The following CLNK variants were observed in gnomAD, a reference collection of about 807,000 sequenced individuals.
The protein encoded by CLNK is cytokine-dependent hematopoietic cell linker.
CLNK carries 74 observed loss-of-function variants against 68.6 expected under a neutral mutation model. The observed-to-expected ratio is 1.08, with a 90% confidence interval of 0.89 to 1.31. The LOEUF (loss-of-function observed/expected upper bound fraction) is 1.31, where lower values mean the gene tolerates loss of function less well. Ranked by LOEUF, CLNK falls within the 50% of genes most tolerant of loss-of-function variation. The pLI is 0.00. For synonymous variants in CLNK, 198 were observed against 172.2 expected (o/e 1.15, Z -1.17); for missense variants, 553 against 515.3 (o/e 1.07, Z -0.71).
chr4:10,647,685 C>T (rs1265107796), intron 2 of CLNK, among the ~76,000 whole-genome samples: 1 of 152,074 alleles, frequency 6.6e-6, no homozygotes, highest in East Asian at 1.9e-4. Flanking sequence ...CTGGGTGAGG[C>T]CTTTCCTATA....
intron 1 of CLNK, among the ~76,000 whole-genome samples, chr4:10,677,692 G>T (rs1484415064): frequency 3.3e-5 from 5 of 152,030 alleles, no homozygotes; most frequent in Non-Finnish European, 7.4e-5. Flanking sequence ...GAAGGTGGCT[G>T]CTTCCCCTTC....
intron 11 of CLNK, among the ~76,000 whole-genome samples, chr4:10,538,051 G>A (rs571437987): frequency 1.3e-5 from 2 of 152,140 alleles, no homozygotes; most frequent in South Asian, 2.1e-4. Flanking sequence ...TGAGGAAACA[G>A]AAAGAAGATA....
At chr4:10,516,901 A>G (rs10034180) in intron 15 of CLNK, among the ~76,000 whole-genome samples, 72,887 of 152,068 alleles carry the variant, frequency 0.48, 17,780 homozygotes, top group East Asian at 0.64. Flanking sequence ...GTGAGGGCTT[A>G]TTTGTATCAA....
At chr4:10,540,364 GAATGGACC>G in intron 11 of CLNK, 122 bp downstream of exon 11, 1 of 654,772 alleles carries the variant, frequency 1.5e-6, no homozygotes, top group Non-Finnish European at 2.8e-6. Flanking sequence ...TTATGTCTTT[GAATGGACC>G]AATACACTCC....
At chr4:10,654,405 A>ATATATATAT (rs1367370247) in intron 2 of CLNK, among the ~76,000 whole-genome samples, 10 of 117,062 alleles carry the variant, frequency 8.5e-5, no homozygotes, top group Admixed American at 1.7e-4. Flanking sequence ...ATATATATAG[A>ATATATATAT]AAGTCTCTTG....
chr4:10,550,431 C>G (rs553923635), intron 8 of CLNK, among the ~76,000 whole-genome samples: 1 of 152,072 alleles, frequency 6.6e-6, no homozygotes, highest in Non-Finnish European at 1.5e-5. Flanking sequence ...GGAGGCGGAG[C>G]TTGCAGTGAG....
chr4:10,490,641 CTT>C, intron 18 of CLNK, 28 bp from the exon 19 acceptor site: 1 of 1,540,968 alleles, frequency 6.5e-7, no homozygotes, highest in Non-Finnish European at 8.8e-7. Flanking sequence ...AAGTTAATGA[CTT>C]TTAAAATATC....
chr4:10,512,714 G>A (rs1717645101), intron 16 of CLNK, among the ~76,000 whole-genome samples: 2 of 151,920 alleles, frequency 1.3e-5, no homozygotes, highest in Admixed American at 6.6e-5. Flanking sequence ...AGGACAGTGA[G>A]TAATAGCAGG....
chr4:10,654,227 C>A (rs1297723158), intron 2 of CLNK, among the ~76,000 whole-genome samples: 2 of 151,420 alleles, frequency 1.3e-5, no homozygotes, highest in Non-Finnish European at 2.9e-5. Context: ...ATGTCATGAC[C>A]AAGTTGAATT....
intron 1 of CLNK, among the ~76,000 whole-genome samples, chr4:10,673,157 G>A (rs1188651345): frequency 6.6e-6 from 1 of 152,162 alleles, no homozygotes; most frequent in Non-Finnish European, 1.5e-5. Flanking sequence ...ATTGTACAGG[G>A]TAGAGTTTAC....
At chr4:10,568,384 G>T (rs1423078136) in intron 5 of CLNK, among the ~76,000 whole-genome samples, 1 of 152,124 alleles carries the variant, frequency 6.6e-6, no homozygotes, top group Non-Finnish European at 1.5e-5. Context: ...CTGGGGGAAG[G>T]GGGGACTGGG....
At chr4:10,722,506 A>T in the CLNK span, among the ~76,000 whole-genome samples, 1 of 152,206 alleles carries the variant, frequency 6.6e-6, no homozygotes, top group African/African-American at 2.4e-5. Flanking sequence ...GCAGCTTTCG[A>T]TAACTCTGTT....
intron 1 of CLNK, among the ~76,000 whole-genome samples, chr4:10,681,072 G>A (rs1003747192): frequency 1.3e-5 from 2 of 152,168 alleles, no homozygotes; most frequent in African/African-American, 4.8e-5. Context: ...ACCACCCATA[G>A]CTCAGCAAAT....
At chr4:10,725,650 G>T in the CLNK span, among the ~76,000 whole-genome samples, 4 of 152,060 alleles carry the variant, frequency 2.6e-5, no homozygotes, top group African/African-American at 7.2e-5. Context: ...TCAGGAGATC[G>T]AGACCATCCT....
chr4:10,624,647 T>G (rs2108863835), intron 2 of CLNK, among the ~76,000 whole-genome samples: 1 of 145,302 alleles, frequency 6.9e-6, no homozygotes, highest in South Asian at 2.2e-4. Flanking sequence ...ATACAGCAGG[T>G]GTATTTCCTG....
the CLNK span, among the ~76,000 whole-genome samples, chr4:10,710,774 G>A: frequency 6.6e-6 from 1 of 152,152 alleles, no homozygotes; most frequent in Non-Finnish European, 1.5e-5. Context: ...TCATGCCTTG[G>A]TTATGTCTGT....
the CLNK span, among the ~76,000 whole-genome samples, chr4:10,699,253 G>A: frequency 2.0e-4 from 5 of 25,446 alleles, no homozygotes; most frequent in South Asian, 2.1e-3. Flanking sequence ...TACACACCAC[G>A]TATGTGTGTA....
chr4:10,707,602 A>G, the CLNK span, among the ~76,000 whole-genome samples: 18 of 152,122 alleles, frequency 1.2e-4, no homozygotes, highest in African/African-American at 4.3e-4. Flanking sequence ...ATAAAACCAA[A>G]CTGTAACCTG....
At chr4:10,566,198 G>T (rs1339823540) in intron 5 of CLNK, 48 bp from the exon 6 acceptor site, 2 of 1,594,306 alleles carry the variant, frequency 1.3e-6, no homozygotes, top group African/African-American at 1.3e-5. Flanking sequence ...GTACAATGTT[G>T]ACAAAGACAG....
Sources: allele counts gnomAD v4.1 joint callset (sites outside exome capture counted in the v4.1 genomes callset), GRCh38; gene constraint gnomAD v4.1.1; transcripts MANE v1.5; gene names NCBI Gene and HGNC (gene_info 2026-07-23, HGNC 2026-07-21).